ADAMTS4: variants seen among roughly 807,000 people sequenced by gnomAD.
ADAMTS4 encodes A disintegrin and metalloproteinase with thrombospondin motifs 4.
ADAMTS4 carries 38 observed loss-of-function variants against 66.7 expected under a neutral mutation model. The ratio of observed to expected loss-of-function variants is 0.57; its 90% confidence interval spans 0.44 to 0.75. ADAMTS4 has a LOEUF of 0.75. Among genes scored for constraint, ADAMTS4 ranks in the 30% least tolerant of loss-of-function variants. The pLI, the probability that ADAMTS4 is intolerant of heterozygous loss-of-function variation, is 0.00. For synonymous variants in ADAMTS4, 418 were observed against 461.5 expected (o/e 0.91, Z 1.21); for missense variants, 1,014 against 1,116.7 (o/e 0.91, Z 1.31).
At chr1:161,191,932 T>C in intron 8 of ADAMTS4, 133 bp downstream of exon 8, 3 of 1,133,428 alleles carry the variant, frequency 2.6e-6, no homozygotes, top group Non-Finnish European at 3.8e-6. Flanking sequence ...GAAACCGCAC[T>C]GTAGCTGCCT....
rs1426493656 is a variant in ADAMTS4, at chr1:161,185,079, G to T, written c.*6059C>A. The T allele has an allele frequency of 6.6e-6, 1 of 150,492 alleles. No homozygotes were observed. The highest frequency in any genetic ancestry group is 1.5e-5 in the Non-Finnish European group (1 of 67,686). The allele number at this position is 150,492 out of a possible 1,614,324, so 9.3% of individuals were successfully genotyped here. ...GGAGGGGGGAGGGATAGCATTAGGA[G>T]ATATACCTAATGCTAAATGATGAGT... On this transcript the variant is annotated 3_prime_UTR_variant, in exon 9 of 9. Coordinates refer to ENST00000367996, the MANE Select transcript of ADAMTS4 (RefSeq NM_005099.6).
At chr1:161,196,084 G>A in intron 3 of ADAMTS4, 87 bp downstream of exon 3, 2 of 1,468,658 alleles carry the variant, frequency 1.4e-6, no homozygotes, top group Non-Finnish European at 1.8e-6. Flanking sequence ...AGAATACCTT[G>A]GGACCCCCAT....
chr1:161,194,355 T>C lies in ADAMTS4; in HGVS notation c.1262-134A>G. 1 of 731,982 alleles carries C rather than the reference T, an allele frequency of 1.4e-6. No homozygotes were observed. Among genetic ancestry groups the C allele is most frequent in the Non-Finnish European group, 2.1e-6 (1 of 482,902 alleles). The allele number at this position is 731,982 out of a possible 1,614,324, so 45.3% of individuals were successfully genotyped here. A position where few individuals can be genotyped will look rare whatever the true frequency, so the allele number is the denominator to read the frequency against. Reference sequence around the variant, plus strand: ...TCCTAGGACTATAAGAGGATTTAAATTTTTGTTATTTATAATTTTTATTTT... The same window carrying C: ...TCCTAGGACTATAAGAGGATTTAAACTTTTGTTATTTATAATTTTTATTTT... On this transcript the variant is annotated intron_variant, in intron 4 of 8. Coordinates refer to ENST00000367996, the MANE Select transcript of ADAMTS4 (RefSeq NM_005099.6). This position sits in a 1 kb window ranked among gnomAD's most constrained non-coding sequence, Gnocchi z 4.1.
Position 161,190,979 on chromosome 1 carries a change from C to T in ADAMTS4, c.*159G>A. 1.2e-6 allele frequency: 1 copy of T among 821,954 alleles called. No individual in the cohort carries two copies. Among genetic ancestry groups the T allele is most frequent in the Non-Finnish European group, 1.8e-6 (1 of 554,376 alleles). The allele number at this position is 821,954 out of a possible 1,614,324, so 50.9% of individuals were successfully genotyped here. On this transcript the variant is annotated 3_prime_UTR_variant, in exon 9 of 9. Coordinates refer to ENST00000367996, the MANE Select transcript of ADAMTS4 (RefSeq NM_005099.6). ...TGCCTCCCAGGGCAGGAAACCAGGG[C>T]AGGGCCAGCCTGCGCATTAGGGCAG...
intron 1 of ADAMTS4, among the ~76,000 whole-genome samples, 161 bp downstream of exon 1, chr1:161,197,834 G>A (rs906794426): frequency 1.3e-5 from 2 of 152,074 alleles, no homozygotes; most frequent in African/African-American, 2.4e-5. Context: ...AGAGGCCTGA[G>A]CCTTACCAAG....
Position 161,185,171 on chromosome 1 carries a change from G to T in ADAMTS4, c.*5967C>A, listed in dbSNP as rs1302287639. 6.6e-6 allele frequency: 1 copy of T among 151,836 alleles called. No individual in the cohort carries two copies. Among genetic ancestry groups the T allele is most frequent in the African/African-American group, 2.4e-5 (1 of 41,288 alleles). 9.4% of individuals were successfully genotyped at this position (151,836 alleles called of 1,614,324 possible). ...TAACTAACCTGCACATTGTGCACAT[G>T]TACCCTAAAACTTAAAGTATAATAA... On this transcript the variant is annotated 3_prime_UTR_variant, in exon 9 of 9. Coordinates refer to ENST00000367996, the MANE Select transcript of ADAMTS4 (RefSeq NM_005099.6).
At position 161,191,105 on chromosome 1, in the gene ADAMTS4, C is replaced by T. The variant is rs776137620; in HGVS notation, c.*33G>A. The T allele has an allele frequency of 7.9e-6, 12 of 1,514,352 alleles. No individual in the cohort carries two copies. The highest frequency in any genetic ancestry group is 2.6e-5 in the South Asian group (2 of 76,536). 93.8% of individuals were successfully genotyped at this position (1,514,352 alleles called of 1,614,324 possible). A position where few individuals can be genotyped will look rare whatever the true frequency, so the allele number is the denominator to read the frequency against. On this transcript the variant is annotated 3_prime_UTR_variant, in exon 9 of 9. Transcript: ENST00000367996. ...TTTCTCCCAGCTAAGTCCGAGGCCC[C>T]GGTGCCCAGAAAGGGCAGCCGGGAT...
At position 161,193,879 on chromosome 1, in the gene ADAMTS4, A is replaced by T; in HGVS notation, c.1549-53T>A. 3 of 1,565,950 alleles carry T rather than the reference A, an allele frequency of 1.9e-6. No individual in the cohort carries two copies. Among genetic ancestry groups the T allele is most frequent in the Non-Finnish European group, 1.7e-6 (2 of 1,153,656 alleles). ...CATAAGTGAACTCTCTCCTGGGCTT[A>T]AGGCCAGTCCCCACACCCCCGGGCC... On this transcript the variant is annotated intron_variant, in intron 5 of 8. Coordinates refer to ENST00000367996, the MANE Select transcript of ADAMTS4 (RefSeq NM_005099.6). The surrounding 1 kb of genome is among the most constrained non-coding windows in gnomAD (Gnocchi z 4.4).
chr1:161,197,048 C>T (rs1664872188), intron 1 of ADAMTS4, 168 bp from the exon 2 acceptor site: 3 of 626,240 alleles, frequency 4.8e-6, no homozygotes, highest in Middle Eastern at 4.4e-4. Flanking sequence ...GGCCCTTCCC[C>T]CAACGCCAAA....
rs755517863 is a variant in ADAMTS4 at position 161,193,718 on chromosome 1, G to A, written c.1657C>T (p.Arg553Trp). Reference protein sequence around the residue: ...SSRDCTRPVPRNGGKYCEGRR... With the variant: ...SSRDCTRPVPWNGGKYCEGRR... ...CCCTCACAGTACTTGCCACCATTCC[G>A]GGGGACAGGCCTCGTGCAGTCTCGG... The change falls in exon 6 of 9, where the codon CGG becomes TGG. Residue 553 changes from arginine (R) to tryptophan (W), a missense_variant. Physicochemically the swap from Arg to Trp is moderately radical, Grantham distance 101 (BLOSUM62 -3). Transcript: ENST00000367996. This position sits in a 1 kb window ranked among gnomAD's most constrained non-coding sequence, Gnocchi z 4.4. 6 of 1,613,894 alleles carry A rather than the reference G, an allele frequency of 3.7e-6. No homozygotes were observed. Among genetic ancestry groups the A allele is most frequent in the African/African-American group, 1.3e-5 (1 of 74,864 alleles).
rs1013895175 is a variant in ADAMTS4, at chr1:161,187,111, A to T, written c.*4027T>A. 4 of 152,214 alleles carry T rather than the reference A, an allele frequency of 2.6e-5. No homozygotes were observed. Among genetic ancestry groups the T allele is most frequent in the African/African-American group, 7.2e-5 (3 of 41,444 alleles). The allele number at this position is 152,214 out of a possible 1,614,324, so 9.4% of individuals were successfully genotyped here. A position where few individuals can be genotyped will look rare whatever the true frequency, so the allele number is the denominator to read the frequency against. On this transcript the variant is annotated 3_prime_UTR_variant, in exon 9 of 9. Transcript: ENST00000367996. The stretch of plus-strand genomic sequence containing the variant: ...TAGCCCTCCATAACCCTCATAGTCC[A>T]TTCAGTTCAGGGCTCATTAGGCTCT...
intron 8 of ADAMTS4, 84 bp from the exon 9 acceptor site, chr1:161,191,648 G>A: frequency 7.3e-7 from 1 of 1,362,222 alleles, no homozygotes; most frequent in Non-Finnish European, 1.0e-6. Context: ...CTGTATGTGT[G>A]TACATGTGTG....
Position 161,196,199 on chromosome 1 carries a change from C to G in ADAMTS4, c.1062G>C (p.Gln354His), listed in dbSNP as rs1240732446. ...GTTCATGAGCAGCAGTGAAGGCTGA[C>G]TGGAGCCCATCATCCTCCACAATGG... ...SCAIVEDDGLQSAFTAAHELG... is the reference protein window; with the variant it reads ...SCAIVEDDGLHSAFTAAHELG... Residue 354 changes from glutamine (Q) to histidine (H), a missense_variant, in exon 3 of 9, where the codon CAG (glutamine) becomes CAC (histidine). Gln to His is a conservative substitution (Grantham distance 24). Coordinates refer to ENST00000367996, the MANE Select transcript of ADAMTS4 (RefSeq NM_005099.6). 1.2e-6 allele frequency: 2 copies of G among 1,612,276 alleles called. No homozygotes were observed. Among genetic ancestry groups the G allele is most frequent in the South Asian group, 1.1e-5 (1 of 90,874 alleles).
Position 161,191,126 on chromosome 1 carries a change from G to C in ADAMTS4, c.*12C>G. 1.3e-6 allele frequency: 2 copies of C among 1,529,568 alleles called. No homozygotes were observed. The highest frequency in any genetic ancestry group is 2.3e-5 in the East Asian group (1 of 44,076). The allele number at this position is 1,529,568 out of a possible 1,614,324, so 94.7% of individuals were successfully genotyped here. ...GCCCCGGTGCCCAGAAAGGGCAGCC[G>C]GGATAGTGAGGTTATTTCCTGCCCG... On this transcript the variant is annotated 3_prime_UTR_variant, in exon 9 of 9. Coordinates refer to ENST00000367996, the MANE Select transcript of ADAMTS4 (RefSeq NM_005099.6).
In ADAMTS4 at chr1:161,191,364, C is replaced by A. The variant is rs376187908; in HGVS notation, c.2288G>T (p.Gly763Val). ...LPGAVSLRYS[G>V]ATAASETLSG... ...CAGTGTCTCTGAGGCTGCAGTGGCC[C>A]CGCTGTAGCGCAAGCTGACTGCCCC... Residue 763 changes from glycine (G) to valine (V), a missense_variant, in exon 9 of 9, where the codon GGG becomes GTG. By Grantham distance (109) the Gly-to-Val change is moderately radical (BLOSUM62 -3). Coordinates refer to ENST00000367996, the MANE Select transcript of ADAMTS4 (RefSeq NM_005099.6). The A allele has an allele frequency of 1.1e-5, 17 of 1,613,906 alleles. No individual in the cohort carries two copies. The highest frequency in any genetic ancestry group is 1.4e-5 in the Non-Finnish European group (17 of 1,180,024).
intron 3 of ADAMTS4, 61 bp from the exon 4 acceptor site, chr1:161,195,696 C>T: frequency 2.0e-6 from 3 of 1,484,188 alleles, no homozygotes; most frequent in Non-Finnish European, 2.7e-6. Context: ...TGAGGGACTC[C>T]ATAATAAATC....
rs942124113 is a variant in ADAMTS4 at position 161,196,156 on chromosome 1, C to T, written c.1090+15G>A. 1.3e-6 allele frequency: 2 copies of T among 1,573,806 alleles called. No individual in the cohort carries two copies. The highest frequency in any genetic ancestry group is 1.7e-6 in the Non-Finnish European group (2 of 1,158,262). ...TTCTCCTCCCTAATACCTTTCTCAT[C>T]CACCCCTACTTTACCCAGTTCATGA... On this transcript the variant is annotated intron_variant, in intron 3 of 8. Coordinates refer to ENST00000367996, the MANE Select transcript of ADAMTS4 (RefSeq NM_005099.6).
chr1:161,190,956 C>A lies in ADAMTS4; in HGVS notation c.*182G>T. ...CCTTCCATCCACTAACCCATCACTG[C>A]CTCCCAGGGCAGGAAACCAGGGCAG... is the stretch of plus-strand genomic sequence containing the variant. On this transcript the variant is annotated 3_prime_UTR_variant, in exon 9 of 9. Transcript: ENST00000367996. 2 of 640,962 alleles carry A rather than the reference C, an allele frequency of 3.1e-6. No individual in the cohort carries two copies. The highest frequency in any genetic ancestry group is 5.0e-6 in the Non-Finnish European group (2 of 398,026). 39.7% of individuals were successfully genotyped at this position (640,962 alleles called of 1,614,324 possible). A position where few individuals can be genotyped will look rare whatever the true frequency, so the allele number is the denominator to read the frequency against.
rs1469919684 is a variant in ADAMTS4 at position 161,185,646 on chromosome 1, A to G, written c.*5492T>C. 2 of 151,906 alleles carry G rather than the reference A, an allele frequency of 1.3e-5. No individual in the cohort carries two copies. The highest frequency in any genetic ancestry group is 2.9e-5 in the Non-Finnish European group (2 of 67,962). The allele number at this position is 151,906 out of a possible 1,614,324, so 9.4% of individuals were successfully genotyped here. On this transcript the variant is annotated 3_prime_UTR_variant, in exon 9 of 9. Coordinates refer to ENST00000367996, the MANE Select transcript of ADAMTS4 (RefSeq NM_005099.6). Reference sequence around the variant, plus strand: ...CTTTCTTCTCCCTTCCTCCCCCACAAGCCCTGACCAATGAGATGCTAGTTT... The same window carrying G: ...CTTTCTTCTCCCTTCCTCCCCCACAGGCCCTGACCAATGAGATGCTAGTTT...
Sources: gnomAD v4.1 joint callset for allele counts (sites outside exome capture counted in the v4.1 genomes callset) on GRCh38, gnomAD v4.1.1 for gene constraint, Gnocchi (gnomAD v3.1) non-coding constraint, MANE v1.5 for transcripts, NCBI Gene and HGNC (gene_info 2026-07-23, HGNC 2026-07-21) for gene names.